Variants in KLHL29 observed in about 807,000 individuals in gnomAD.
KLHL29 encodes the protein kelch like family member 29, also known as kelch-like protein 29.
A neutral mutation model predicts 80.4 loss-of-function variants in KLHL29; 21 were observed. That is an observed-to-expected ratio of 0.26 (90% CI 0.19 to 0.38). The LOEUF (loss-of-function observed/expected upper bound fraction) is 0.38. Ranked by LOEUF, KLHL29 falls within the 10% of genes least tolerant of loss-of-function variation. The pLI is 1.00. For missense variants in KLHL29, 867 were observed against 1,223.9 expected, an observed-to-expected ratio of 0.71 and a Z score of 4.35; for synonymous variants, 511 against 526.8, an observed-to-expected ratio of 0.97 and a Z score of 0.41.
intron 2 of KLHL29, among the ~76,000 whole-genome samples, chr2:23,553,970 A>G (rs940871949): frequency 2.6e-5 from 4 of 152,186 alleles, no homozygotes; most frequent in African/African-American, 9.7e-5. Context: ...GAGAGGGCGC[A>G]TCAAAGAAGG....
At chr2:23,422,710 G>A (rs903988259) in intron 1 of KLHL29, among the ~76,000 whole-genome samples, 2 of 149,964 alleles carry the variant, frequency 1.3e-5, no homozygotes, top group Admixed American at 6.6e-5. Flanking sequence ...CATGCGGTCC[G>A]CCTGTGCAGG....
intron 3 of KLHL29, among the ~76,000 whole-genome samples, chr2:23,623,232 C>T (rs1295025832): frequency 2.0e-5 from 3 of 152,138 alleles, no homozygotes; most frequent in Admixed American, 6.5e-5. Flanking sequence ...CAGGTTCCAA[C>T]GGACCCGACT....
At chr2:23,676,598 C>T (rs13003745) in intron 5 of KLHL29, among the ~76,000 whole-genome samples, 19 of 152,150 alleles carry the variant, frequency 1.2e-4, no homozygotes, top group Non-Finnish European at 2.5e-4. Flanking sequence ...TGAGATCAGC[C>T]TGAGCAACAT....
At chr2:23,609,752 G>T (rs768424764) in intron 3 of KLHL29, among the ~76,000 whole-genome samples, 1 of 152,082 alleles carries the variant, frequency 6.6e-6, no homozygotes, top group Non-Finnish European at 1.5e-5. Flanking sequence ...TGTTTATTTG[G>T]TTCAACCTTC....
At chr2:23,473,909 G>A (rs1361238044) in intron 1 of KLHL29, among the ~76,000 whole-genome samples, 1 of 152,070 alleles carries the variant, frequency 6.6e-6, no homozygotes, top group East Asian at 1.9e-4. Flanking sequence ...TGTTCCCTCT[G>A]CCTAGAACAC....
intron 1 of KLHL29, among the ~76,000 whole-genome samples, chr2:23,415,847 C>A (rs960437149): frequency 2.6e-5 from 4 of 152,018 alleles, no homozygotes; most frequent in Admixed American, 2.6e-4. Flanking sequence ...CACAGGTGTG[C>A]ACCACCACAC....
intron 3 of KLHL29, among the ~76,000 whole-genome samples, chr2:23,635,345 C>A (rs1266419569): frequency 6.6e-6 from 1 of 152,178 alleles, no homozygotes; most frequent in Non-Finnish European, 1.5e-5. Context: ...ACACACCTTT[C>A]CCTAAATGAA....
chr2:23,532,669 C>T (rs767925506), intron 2 of KLHL29: 48 of 456,396 alleles, frequency 1.1e-4, no homozygotes, highest in South Asian at 6.0e-4. Flanking sequence ...GGGGAGCTCA[C>T]TAGAGGCCTG....
intron 3 of KLHL29, among the ~76,000 whole-genome samples, chr2:23,611,210 A>C (rs1159589427): frequency 6.6e-6 from 1 of 152,212 alleles, no homozygotes; most frequent in Non-Finnish European, 1.5e-5. Context: ...TGGGAAGCAC[A>C]GAGGCCCGTG....
chr2:23,563,042 A>G (rs1043199552), intron 3 of KLHL29, among the ~76,000 whole-genome samples: 1 of 152,218 alleles, frequency 6.6e-6, no homozygotes, highest in Non-Finnish European at 1.5e-5. Context: ...GCAAGGGCTC[A>G]GTAGGCCTTC....
At chr2:23,547,111 C>T (rs528360053) in intron 2 of KLHL29, among the ~76,000 whole-genome samples, 4 of 152,288 alleles carry the variant, frequency 2.6e-5, no homozygotes, top group East Asian at 3.9e-4. Flanking sequence ...GGGCCGGCAC[C>T]GGGTCTCTGC....
At chr2:23,548,016 C>A (rs914976931) in intron 2 of KLHL29, among the ~76,000 whole-genome samples, 2 of 152,090 alleles carry the variant, frequency 1.3e-5, no homozygotes, top group African/African-American at 4.8e-5. Flanking sequence ...ACTCACACAC[C>A]CTGTCTTGGG....
At chr2:23,581,490 T>C in intron 3 of KLHL29, among the ~76,000 whole-genome samples, 1 of 152,170 alleles carries the variant, frequency 6.6e-6, no homozygotes, top group Non-Finnish European at 1.5e-5. Flanking sequence ...CGCCTTCCAC[T>C]GTGGCCACGC....
intron 2 of KLHL29, among the ~76,000 whole-genome samples, chr2:23,539,252 T>G: frequency 6.6e-6 from 1 of 152,194 alleles, no homozygotes; most frequent in African/African-American, 2.4e-5. Flanking sequence ...GATTGGGAAG[T>G]ATGCAGTGTA....
At chr2:23,466,022 C>T (rs945595169) in intron 1 of KLHL29, among the ~76,000 whole-genome samples, 3 of 151,964 alleles carry the variant, frequency 2.0e-5, no homozygotes, top group African/African-American at 7.3e-5. Flanking sequence ...GGAGTGCAGA[C>T]AAGAGACGTC....
chr2:23,416,049 G>A (rs1382687584), intron 1 of KLHL29, among the ~76,000 whole-genome samples: 1 of 152,110 alleles, frequency 6.6e-6, no homozygotes, highest in African/African-American at 2.4e-5. Context: ...ATCATGCAGA[G>A]TGGCTTAGAA....
At chr2:23,662,885 C>A (rs992549366) in intron 5 of KLHL29, among the ~76,000 whole-genome samples, 1 of 152,178 alleles carries the variant, frequency 6.6e-6, no homozygotes, top group Non-Finnish European at 1.5e-5. Context: ...GGTTGAAAGC[C>A]GTAAATGCAA....
chr2:23,576,789 T>C (rs572443986), intron 3 of KLHL29, among the ~76,000 whole-genome samples: 56 of 152,234 alleles, frequency 3.7e-4, no homozygotes, highest in Non-Finnish European at 6.9e-4. Context: ...AGATATTCTG[T>C]GTCCCTCGCC....
intron 1 of KLHL29, among the ~76,000 whole-genome samples, chr2:23,432,442 A>G (rs1468740255): frequency 6.6e-6 from 1 of 152,262 alleles, no homozygotes; most frequent in East Asian, 1.9e-4. Flanking sequence ...AATATTTTCC[A>G]GTCACATGCT....
Sources: gnomAD v4.1 joint callset for allele counts (sites outside exome capture counted in the v4.1 genomes callset) on GRCh38, gnomAD v4.1.1 for gene constraint, MANE v1.5 for transcripts, NCBI Gene and HGNC (gene_info 2026-07-23, HGNC 2026-07-21) for gene names.